NLRP12: variants seen among roughly 807,000 people sequenced by gnomAD.
NLRP12 encodes the protein NACHT, LRR and PYD domains-containing protein 12.
Under a neutral mutation model 91.2 loss-of-function variants are expected in NLRP12, and 108 were observed. That is an observed-to-expected ratio of 1.18 (90% CI 1.01 to 1.39). The LOEUF (loss-of-function observed/expected upper bound fraction) is 1.39, where lower values mean the gene tolerates loss of function less well. Among genes scored for constraint, NLRP12 ranks in the 40% most tolerant of loss-of-function variants. The pLI is 0.00. For synonymous variants in NLRP12, 613 were observed against 566.7 expected (o/e 1.08, Z -1.16); for missense variants, 1,530 against 1,352.7 (o/e 1.13, Z -2.06).
chr19:53,810,632 G>T lies in NLRP12; in HGVS notation c.1027C>A (p.Arg343=), dbSNP rs112159191. ...LPELSLLITT[R]PTALEKLHRL... is the part of the protein sequence containing the mutation. The stretch of plus-strand genomic sequence containing the variant: ...TGGAGCTTCTCCAAAGCCGTGGGCC[G>T]TGTGGTGATGAGCAAAGATAGCTCA... The change falls in exon 3 of 10, where the codon CGG becomes AGG. Residue 343 remains arginine (R), a synonymous_variant. Coordinates refer to ENST00000324134, the MANE Select transcript of NLRP12 (RefSeq NM_144687.4). 2.0e-5 allele frequency: 32 copies of T among 1,614,016 alleles called. No homozygotes were observed. The highest frequency in any genetic ancestry group is 2.5e-5 in the Non-Finnish European group (30 of 1,180,028).
At chr19:53,806,325 G>C (rs1354198976) in intron 4 of NLRP12, among the ~76,000 whole-genome samples, 1 of 151,938 alleles carries the variant, frequency 6.6e-6, no homozygotes, top group East Asian at 1.9e-4. Context: ...GATCACTTGA[G>C]GCCAGAAGTT....
chr19:53,815,157 T>A (rs1302580382), intron 1 of NLRP12, among the ~76,000 whole-genome samples, 169 bp from the exon 2 acceptor site: 1 of 151,868 alleles, frequency 6.6e-6, no homozygotes, highest in Non-Finnish European at 1.5e-5. Flanking sequence ...CATCCCTTGT[T>A]CCTTGTAGCG....
chr19:53,807,429 G>A lies in NLRP12; in HGVS notation c.2243+66C>T, dbSNP rs1328038764. ...TACACCATCCCGTGATAGAACCTTT[G>A]TGACTGATCCCCATGAGAGGCCACG... On this transcript the variant is annotated intron_variant, in intron 4 of 9. Coordinates refer to ENST00000324134, the MANE Select transcript of NLRP12 (RefSeq NM_144687.4). 2.0e-6 allele frequency: 3 copies of A among 1,495,608 alleles called. No individual in the cohort carries two copies. In the South Asian group the frequency reaches 3.5e-5, roughly 17 times the overall value. 92.6% of individuals were successfully genotyped at this position (1,495,608 alleles called of 1,614,324 possible).
At chr19:53,815,818 G>C (rs1475437644) in intron 1 of NLRP12, among the ~76,000 whole-genome samples, 1 of 151,426 alleles carries the variant, frequency 6.6e-6, no homozygotes, top group Admixed American at 6.6e-5. Context: ...CACCATGTGG[G>C]TCAGGCTGGT....
At chr19:53,822,693 C>A (rs554770906) in intron 1 of NLRP12, among the ~76,000 whole-genome samples, 1 of 147,084 alleles carries the variant, frequency 6.8e-6, no homozygotes, top group African/African-American at 2.5e-5. Flanking sequence ...GCGGAGATTG[C>A]GCCACTGCAC....
intron 2 of NLRP12, among the ~76,000 whole-genome samples, chr19:53,813,814 A>T (rs2092117362): frequency 6.6e-6 from 1 of 151,798 alleles, no homozygotes; most frequent in South Asian, 2.1e-4. Flanking sequence ...CAGCCTCCTG[A>T]GTAGCTGGAT....
rs2091943172 is a variant in NLRP12 at position 53,805,438 on chromosome 19, G to A, written c.2256C>T (p.Cys752=). Residue 752 remains cysteine, a synonymous_variant, in exon 5 of 10, where the codon TGC becomes TGT. Transcript: ENST00000324134. The stretch of plus-strand genomic sequence containing the variant: ...CCTCGCAGGCTGAGCTGGAGATGCG[G>A]CACCTCTTCAGCCTGGGGTGGAAAA... ...CKLQNLRLKR[C]RISSSACEDL... is the part of the protein sequence containing the mutation. 6.2e-7 allele frequency: 1 copy of A among 1,613,814 alleles called. No homozygotes were observed. Among genetic ancestry groups the A allele is most frequent in the African/African-American group, 1.3e-5 (1 of 74,858 alleles).
intron 5 of NLRP12, among the ~76,000 whole-genome samples, chr19:53,804,630 C>T (rs1330430555): frequency 2.7e-5 from 4 of 149,890 alleles, no homozygotes; most frequent in East Asian, 2.1e-4. Context: ...AGGCTGGTCT[C>T]GAACTCCTGA....
chr19:53,819,656 T>TATAC (rs375023050), intron 1 of NLRP12, among the ~76,000 whole-genome samples: 507 of 37,214 alleles, frequency 0.014, 95 homozygotes, highest in Middle Eastern at 0.039. Context: ...CGTATATATA[T>TATAC]ACACATGTAT....
intron 2 of NLRP12, among the ~76,000 whole-genome samples, chr19:53,813,989 C>T (rs574953701): frequency 2.6e-5 from 4 of 152,072 alleles, no homozygotes; most frequent in African/African-American, 7.2e-5. Flanking sequence ...CACTCTTATT[C>T]TACTTTAGTA....
chr19:53,813,915 C>G (rs2092118841), intron 2 of NLRP12, among the ~76,000 whole-genome samples: 1 of 151,244 alleles, frequency 6.6e-6, no homozygotes, highest in South Asian at 2.1e-4. Flanking sequence ...AGGCTGGTCT[C>G]AGAGCCTGGC....
upstream of NLRP12, chr19:53,824,324 A>T (rs549476983): frequency 2.7e-6 from 2 of 729,620 alleles, no homozygotes; most frequent in Non-Finnish European, 4.7e-6. Context: ...AGAGCAAGGG[A>T]GGAAAGACCT....
chr19:53,823,470 T>TA (rs2092296784), intron 1 of NLRP12, among the ~76,000 whole-genome samples: 2 of 101,852 alleles, frequency 2.0e-5, no homozygotes, highest in African/African-American at 7.0e-5. Context: ...TAAATATATA[T>TA]TTAAAATATA....
intron 7 of NLRP12, among the ~76,000 whole-genome samples, chr19:53,798,902 C>T (rs965976935): frequency 1.3e-5 from 2 of 151,948 alleles, no homozygotes; most frequent in African/African-American, 2.4e-5. Flanking sequence ...GCAACATGCC[C>T]GGCTAATTTT....
At chr19:53,815,029 G>T in intron 1 of NLRP12, 41 bp from the exon 2 acceptor site, 1 of 1,442,244 alleles carries the variant, frequency 6.9e-7, no homozygotes, top group Non-Finnish European at 9.8e-7. Context: ...CACGCATCTG[G>T]CTAGTAGCAC....
At chr19:53,799,075 T>G (rs763298433) in intron 7 of NLRP12, among the ~76,000 whole-genome samples, 34 of 140,472 alleles carry the variant, frequency 2.4e-4, no homozygotes, top group Non-Finnish European at 3.9e-4. Flanking sequence ...TGCAGTGGCG[T>G]GATCTTGGCT....
At chr19:53,799,671 C>G (rs933344131) in intron 7 of NLRP12, among the ~76,000 whole-genome samples, 2 of 151,828 alleles carry the variant, frequency 1.3e-5, no homozygotes, top group Non-Finnish European at 2.9e-5. Flanking sequence ...TTAGTAGAGA[C>G]GGGGTTTCAC....
intron 4 of NLRP12, among the ~76,000 whole-genome samples, chr19:53,806,865 T>TA (rs199586270): frequency 0.59 from 81,563 of 137,452 alleles, 25,594 homozygotes; most frequent in East Asian, 0.72. Context: ...CTCAAAAATT[T>TA]AAAAAAAAAA....
chr19:53,809,886 C>T lies in NLRP12; in HGVS notation c.1773G>A (p.Leu591=). 6.2e-7 allele frequency: 1 copy of T among 1,614,118 alleles called. No homozygotes were observed. Among genetic ancestry groups the T allele is most frequent in the Non-Finnish European group, 8.5e-7 (1 of 1,180,042 alleles). The change falls in exon 3 of 10, where the codon CTG becomes CTA. Residue 591 remains leucine (L), a synonymous_variant. Coordinates refer to ENST00000324134, the MANE Select transcript of NLRP12 (RefSeq NM_144687.4). The part of the protein sequence containing the change: ...WKVSPHIKMD[L]LQWIQSKAQS... The stretch of plus-strand genomic sequence containing the variant: ...GAGCTTTGCTTTGGATCCACTGCAA[C>T]AGGTCCATCTTGATGTGCGGCGAGA...
Sources: allele counts gnomAD v4.1 joint callset (sites outside exome capture counted in the v4.1 genomes callset), GRCh38; gene constraint gnomAD v4.1.1; transcripts MANE v1.5; gene names NCBI Gene and HGNC (gene_info 2026-07-23, HGNC 2026-07-21).